The following TIMP2 variants were observed in gnomAD, a reference collection of about 807,000 sequenced individuals.
The protein encoded by TIMP2 is TIMP metallopeptidase inhibitor 2.
TIMP2 carries 5 observed loss-of-function variants against 24.3 expected under a neutral mutation model. The observed-to-expected ratio is 0.21, with a 90% CI of 0.11 to 0.43. The LOEUF is 0.43. Ranked by LOEUF, TIMP2 falls within the 20% of genes least tolerant of loss-of-function variation. The pLI is 1.00. For missense variants in TIMP2, 221 were observed against 297.5 expected, an observed-to-expected ratio of 0.74 and a Z score of 1.89; for synonymous variants, 130 against 123.2, an observed-to-expected ratio of 1.06 and a Z score of -0.37.
intron 1 of TIMP2, among the ~76,000 whole-genome samples, chr17:78,881,056 C>T (rs929566745): frequency 6.6e-6 from 1 of 152,244 alleles, no homozygotes; most frequent in South Asian, 2.1e-4. Flanking sequence ...AGACGAGGTG[C>T]AGGGATCCCT....
At chr17:78,907,671 T>C (rs968327348) in intron 1 of TIMP2, among the ~76,000 whole-genome samples, 1 of 152,196 alleles carries the variant, frequency 6.6e-6, no homozygotes, top group African/African-American at 2.4e-5. Context: ...ATGGCACCGA[T>C]AGACTCAGAG....
At chr17:78,915,073 T>G (rs1482855020) in intron 1 of TIMP2, among the ~76,000 whole-genome samples, 5 of 151,514 alleles carry the variant, frequency 3.3e-5, no homozygotes, top group Admixed American at 6.6e-5. Context: ...ATTTTTGTAT[T>G]TTTAGTAGAG....
chr17:78,919,754 G>C (rs923026023), intron 1 of TIMP2, among the ~76,000 whole-genome samples: 11 of 152,112 alleles, frequency 7.2e-5, no homozygotes, highest in Admixed American at 3.9e-4. Flanking sequence ...AGAATGGCGT[G>C]AACCCGGGAG....
intron 1 of TIMP2, among the ~76,000 whole-genome samples, chr17:78,919,910 G>A (rs1277105856): frequency 6.6e-6 from 1 of 152,166 alleles, no homozygotes; most frequent in African/African-American, 2.4e-5. Flanking sequence ...GTGAGCCTGT[G>A]CGTGCACCGG....
chr17:78,917,866 G>A (rs1398801140), intron 1 of TIMP2, among the ~76,000 whole-genome samples: 1 of 152,176 alleles, frequency 6.6e-6, no homozygotes, highest in Non-Finnish European at 1.5e-5. Flanking sequence ...AATGAGGGTG[G>A]AAGAGGAGAG....
chr17:78,872,806 A>G (rs984667539), intron 2 of TIMP2, among the ~76,000 whole-genome samples: 5 of 152,020 alleles, frequency 3.3e-5, no homozygotes, highest in African/African-American at 9.7e-5. Flanking sequence ...TGACCTTCTG[A>G]TAACATTGAT....
chr17:78,899,080 C>T lies in TIMP2; in HGVS notation c.131-25161G>A, dbSNP rs994382993. ...GTGCTGGGATTCCGGGTGTGAGCCC[C>T]CACGCCCGCCAGACTCTGCATCTCT... is the stretch of plus-strand genomic sequence containing the variant. On this transcript the variant is annotated intron_variant, in intron 1 of 4. Coordinates refer to ENST00000262768, the MANE Select transcript of TIMP2 (RefSeq NM_003255.5). 9 of 152,058 alleles carry T rather than the reference C, an allele frequency of 5.9e-5. 1 individual carries two copies. Among genetic ancestry groups the T allele is most frequent in the African/African-American group, 2.2e-4 (9 of 41,566 alleles). The allele number at this position is 152,058 out of a possible 1,614,324, so 9.4% of individuals were successfully genotyped here.
chr17:78,906,915 A>G (rs1002871135), intron 1 of TIMP2, among the ~76,000 whole-genome samples: 1 of 151,962 alleles, frequency 6.6e-6, no homozygotes, highest in African/African-American at 2.4e-5. Flanking sequence ...TTGTGTGATC[A>G]CCTGGAGTAG....
At chr17:78,894,051 G>C (rs2069960033) in intron 1 of TIMP2, among the ~76,000 whole-genome samples, 1 of 152,182 alleles carries the variant, frequency 6.6e-6, no homozygotes, top group South Asian at 2.1e-4. Flanking sequence ...CGTAGTTGCA[G>C]CTGAAGTCAC....
At chr17:78,880,252 C>T (rs999815199) in intron 1 of TIMP2, among the ~76,000 whole-genome samples, 1 of 152,218 alleles carries the variant, frequency 6.6e-6, no homozygotes, top group Admixed American at 6.5e-5. Context: ...ACACGTGGGT[C>T]CTGCGTCCTC....
intron 3 of TIMP2, 110 bp downstream of exon 3, chr17:78,870,788 A>T: frequency 1.2e-6 from 1 of 843,570 alleles, no homozygotes; most frequent in Non-Finnish European, 1.9e-6. Flanking sequence ...ACTGTTCCTC[A>T]GCTACTCCGC....
intron 1 of TIMP2, among the ~76,000 whole-genome samples, chr17:78,913,159 T>A (rs1599176220): frequency 6.6e-6 from 1 of 151,984 alleles, no homozygotes; most frequent in Non-Finnish European, 1.5e-5. Flanking sequence ...GCCAACAACA[T>A]TTTGGGAGGC....
At chr17:78,884,547 G>A (rs1264078302) in intron 1 of TIMP2, among the ~76,000 whole-genome samples, 2 of 152,114 alleles carry the variant, frequency 1.3e-5, no homozygotes, top group Non-Finnish European at 2.9e-5. Flanking sequence ...AAGCAGGGGG[G>A]CTGAGGTCCC....
In TIMP2 at chr17:78,855,937, A is replaced by G. The variant is rs2069522104; in HGVS notation, c.466-73T>C. 10 of 1,491,598 alleles carry G rather than the reference A, an allele frequency of 6.7e-6. No individual in the cohort carries two copies. In the Admixed American group the frequency reaches 1.7e-4, roughly 25 times the overall value. The allele number at this position is 1,491,598 out of a possible 1,614,324, so 92.4% of individuals were successfully genotyped here. The stretch of plus-strand genomic sequence containing the variant: ...GGTGGGCAGAGGCTGCTCTGGGGGC[A>G]TGTCCAGAACCCGGCAATGTGCCTA... On this transcript the variant is annotated intron_variant, in intron 4 of 4. Transcript: ENST00000262768. This position sits in a 1 kb window ranked among gnomAD's most constrained non-coding sequence, Gnocchi z 6.0.
Position 78,894,193 on chromosome 17 carries a change from AC to A in TIMP2, c.131-20275del, listed in dbSNP as rs148999240. ...TAATCCTTTGAGATACGAAGCTCCT[AC>A]CCCCCCCGGTTCACAGACAGGGAAA... is the stretch of plus-strand genomic sequence containing the variant. On this transcript the variant is annotated intron_variant, in intron 1 of 4. Coordinates refer to ENST00000262768, the MANE Select transcript of TIMP2 (RefSeq NM_003255.5). 2.3e-4 allele frequency among the ~76,000 whole-genome samples: 35 copies of A among 149,788 alleles called. No homozygotes were observed. The Middle Eastern group carries it at 0.014, about 58-fold the overall frequency.
intron 1 of TIMP2, among the ~76,000 whole-genome samples, chr17:78,914,274 T>TTTATTTAC (rs10640922): frequency 0.5 from 67,806 of 136,374 alleles, 15,423 homozygotes; most frequent in Middle Eastern, 0.56. Flanking sequence ...TATTTATTTA[T>TTTATTTAC]TTATTTATTT....
At chr17:78,865,606 A>G (rs996891984) in intron 3 of TIMP2, among the ~76,000 whole-genome samples, 2 of 146,640 alleles carry the variant, frequency 1.4e-5, no homozygotes, top group African/African-American at 5.1e-5. Flanking sequence ...CCTGGGCAAC[A>G]AGACAGAAAC....
At chr17:78,890,811 T>C in intron 1 of TIMP2, 1 of 1,550,638 alleles carries the variant, frequency 6.4e-7, no homozygotes, top group African/African-American at 1.4e-5. Flanking sequence ...TCAGATCCTC[T>C]CTCCCTTTCC....
rs574580001 is a variant in TIMP2, at chr17:78,855,340, G to C, written c.*327C>G. ...CCTAACCCAGCTGGGAGATCCCTAAGTGCTGCCTGCTTGGCATCTGTGACG... is the reference window on the plus strand; with the variant it reads ...CCTAACCCAGCTGGGAGATCCCTAACTGCTGCCTGCTTGGCATCTGTGACG... On this transcript the variant is annotated 3_prime_UTR_variant, in exon 5 of 5. Transcript: ENST00000262768. This position sits in a 1 kb window ranked among gnomAD's most constrained non-coding sequence, Gnocchi z 6.0. The C allele has an allele frequency of 1.2e-5, 5 of 405,986 alleles. No homozygotes were observed. The East Asian group carries it at 1.9e-4, about 16-fold the overall frequency. 25.1% of individuals were successfully genotyped at this position (405,986 alleles called of 1,614,324 possible).
Sources: allele counts gnomAD v4.1 joint callset (sites outside exome capture counted in the v4.1 genomes callset), GRCh38; gene constraint gnomAD v4.1.1; non-coding constraint Gnocchi (gnomAD v3.1); transcripts MANE v1.5; gene names NCBI Gene and HGNC (gene_info 2026-07-23, HGNC 2026-07-21).